Variants in RBMS3 observed in about 807,000 individuals in gnomAD.
The protein encoded by RBMS3 is RNA binding motif single stranded interacting protein 3, also known as RNA-binding motif, single-stranded-interacting protein 3.
Under a neutral mutation model 66.8 loss-of-function variants are expected in RBMS3, and 27 were observed. The observed-to-expected ratio is 0.40, with a 90% CI of 0.30 to 0.56. The LOEUF is 0.56. Among genes scored for constraint, RBMS3 ranks in the 20% least tolerant of loss-of-function variants. The pLI is 0.40. For missense variants in RBMS3, 513 were observed against 549.5 expected (o/e 0.93, Z 0.66); for synonymous variants, 188 against 183.0 (o/e 1.03, Z -0.22).
At chr3:29,452,118 A>C (rs367611245) in intron 2 of RBMS3, among the ~76,000 whole-genome samples, 1 of 152,176 alleles carries the variant, frequency 6.6e-6, no homozygotes, top group African/African-American at 2.4e-5. Context: ...ACGTCAGATA[A>C]CAGGGATTTT....
At chr3:29,639,286 C>T (rs1235691094) in intron 4 of RBMS3, among the ~76,000 whole-genome samples, 2 of 151,778 alleles carry the variant, frequency 1.3e-5, no homozygotes, top group Non-Finnish European at 2.9e-5. Flanking sequence ...TGATCATATA[C>T]AGGAAGGATA....
intron 3 of RBMS3, among the ~76,000 whole-genome samples, chr3:29,491,619 A>G (rs904661879): frequency 6.6e-6 from 1 of 152,158 alleles, no homozygotes; most frequent in Non-Finnish European, 1.5e-5. Context: ...GTAAAAAAGG[A>G]AGGAAGAGAG....
intron 6 of RBMS3, among the ~76,000 whole-genome samples, chr3:29,860,955 C>T (rs1252290918): frequency 1.3e-5 from 2 of 152,166 alleles, no homozygotes; most frequent in Non-Finnish European, 2.9e-5. Flanking sequence ...GCTCCGCCTC[C>T]CCGGTTCACG....
At chr3:29,758,723 C>T (rs754965380) in intron 5 of RBMS3, among the ~76,000 whole-genome samples, 8 of 152,072 alleles carry the variant, frequency 5.3e-5, no homozygotes, top group Non-Finnish European at 1.2e-4. Flanking sequence ...TTATTCCTTC[C>T]GTTACAATGG....
In RBMS3 at chr3:29,863,379, A is replaced by G. The variant is rs1031583192; in HGVS notation, c.638-5479A>G. Among the ~76,000 whole-genome samples the G allele has an allele frequency of 2.0e-5, 3 of 152,164 alleles. No individual in the cohort carries two copies. The East Asian group carries it at 5.8e-4, about 29-fold the overall frequency. On this transcript the variant is annotated intron_variant, in intron 6 of 14. Coordinates refer to ENST00000383767, the MANE Select transcript of RBMS3 (RefSeq NM_001003793.3). ...GTACCCTAGAACTTAAAGTATAATA[A>G]TAAAAAGAAAATGTATTTCTGGAAT...
In RBMS3 at chr3:29,529,029, C is replaced by G. The variant is rs561618394; in HGVS notation, c.307+40530C>G. Among the ~76,000 whole-genome samples the G allele has an allele frequency of 2.9e-4, 44 of 152,308 alleles. 1 individual carries two copies. The South Asian group carries it at 9.1e-3, about 32-fold the overall frequency. The stretch of plus-strand genomic sequence containing the variant: ...AAAGTGCTGGGATTACAGGCATAAG[C>G]CACTGTGCCAAGCGAAAATTGCTTT... On this transcript the variant is annotated intron_variant, in intron 3 of 14. Coordinates refer to ENST00000383767, the MANE Select transcript of RBMS3 (RefSeq NM_001003793.3).
At chr3:29,777,170 C>G (rs1368518350) in intron 6 of RBMS3, among the ~76,000 whole-genome samples, 1 of 151,862 alleles carries the variant, frequency 6.6e-6, no homozygotes, top group Non-Finnish European at 1.5e-5. Context: ...TGCAGATTTT[C>G]CTGATTTCCA....
At chr3:29,424,191 A>G (rs2040854602) in intron 1 of RBMS3, among the ~76,000 whole-genome samples, 1 of 152,222 alleles carries the variant, frequency 6.6e-6, no homozygotes. Context: ...CTGAATGGGT[A>G]TAATTTTAGG....
intron 5 of RBMS3, among the ~76,000 whole-genome samples, chr3:29,748,757 G>C (rs1373830341): frequency 6.6e-6 from 1 of 152,138 alleles, no homozygotes; most frequent in Admixed American, 6.5e-5. Context: ...ATTTCATCAA[G>C]ATGTTTTGAA....
At chr3:29,376,625 C>T (rs553495207) in intron 1 of RBMS3, among the ~76,000 whole-genome samples, 5 of 151,958 alleles carry the variant, frequency 3.3e-5, no homozygotes, top group South Asian at 2.1e-4. Context: ...TACAAAAAAA[C>T]GACCAGGCGC....
intron 12 of RBMS3, among the ~76,000 whole-genome samples, chr3:29,951,939 C>T (rs887882817): frequency 4.6e-5 from 7 of 151,588 alleles, no homozygotes; most frequent in Non-Finnish European, 7.4e-5. Context: ...GAAAAGAATG[C>T]ATAAAATTAT....
At chr3:29,383,733 G>T (rs992132661) in intron 1 of RBMS3, among the ~76,000 whole-genome samples, 6 of 152,136 alleles carry the variant, frequency 3.9e-5, no homozygotes, top group African/African-American at 1.4e-4. Flanking sequence ...GAAAATGTGC[G>T]ATCTGGACTC....
intron 2 of RBMS3, among the ~76,000 whole-genome samples, chr3:29,438,062 C>CTA (rs2041471859): frequency 1.3e-5 from 2 of 150,730 alleles, no homozygotes; most frequent in African/African-American, 4.9e-5. Flanking sequence ...CTCTCTCTCT[C>CTA]GTAGTGTTGG....
chr3:29,995,156 T>A (rs1559874476), intron 14 of RBMS3, among the ~76,000 whole-genome samples: 1 of 152,054 alleles, frequency 6.6e-6, no homozygotes, highest in South Asian at 2.1e-4. Context: ...TGCGATCAAC[T>A]GGAAGAAAGG....
rs375868619 is a variant in RBMS3, at chr3:29,991,146, A to G, written c.1244A>G (p.Gln415Arg). The G allele has an allele frequency of 6.2e-7, 1 of 1,614,190 alleles. No individual in the cohort carries two copies. Among genetic ancestry groups the G allele is most frequent in the Non-Finnish European group, 8.5e-7 (1 of 1,180,040 alleles). Residue 415 changes from glutamine (Q) to arginine (R), a missense_variant, in exon 14 of 15, where the codon CAG becomes CGG. Transcript: ENST00000383767. ...TCATCCCAGGACACCAGTGGTCAGC[A>G]GCAACAGATAGCAGTGGACACATCC... ...APSSQDTSGQ[Q>R]QQIAVDTSNE...
intron 6 of RBMS3, among the ~76,000 whole-genome samples, chr3:29,768,011 C>T (rs1406687544): frequency 1.3e-5 from 2 of 151,920 alleles, no homozygotes; most frequent in African/African-American, 2.4e-5. Context: ...TGGCGCATTG[C>T]TTCTCTCCAA....
chr3:29,306,886 A>G (rs985083967), intron 1 of RBMS3, among the ~76,000 whole-genome samples: 2 of 151,938 alleles, frequency 1.3e-5, no homozygotes, highest in African/African-American at 4.8e-5. Context: ...TGATATTAAA[A>G]TTAACCTTTT....
intron 3 of RBMS3, among the ~76,000 whole-genome samples, chr3:29,514,820 A>G (rs1576077573): frequency 6.6e-6 from 1 of 151,224 alleles, no homozygotes; most frequent in African/African-American, 2.4e-5. Flanking sequence ...TGATAGGCAT[A>G]TATATAATAA....
At chr3:29,399,286 A>T (rs1018036622) in intron 1 of RBMS3, among the ~76,000 whole-genome samples, 3 of 152,154 alleles carry the variant, frequency 2.0e-5, no homozygotes, top group Non-Finnish European at 4.4e-5. Context: ...CCACTGGCTT[A>T]TATCAGTAAT....
Sources: gnomAD v4.1 joint callset for allele counts (sites outside exome capture counted in the v4.1 genomes callset) on GRCh38, gnomAD v4.1.1 for gene constraint, MANE v1.5 for transcripts, NCBI Gene and HGNC (gene_info 2026-07-23, HGNC 2026-07-21) for gene names.